PPP2R3B: variants seen among roughly 807,000 people sequenced by gnomAD.
The protein encoded by PPP2R3B is serine/threonine-protein phosphatase 2A regulatory subunit B'' subunit beta.
A neutral mutation model predicts 72.9 loss-of-function variants in PPP2R3B; 68 were observed. The observed-to-expected ratio is 0.93, with a 90% CI of 0.77 to 1.14. The LOEUF is 1.14. Ranked by LOEUF, PPP2R3B falls within the 50% of genes most tolerant of loss-of-function variation. PPP2R3B has a pLI of 0.00. For missense variants in PPP2R3B, 1,018 were observed against 842.0 expected, an observed-to-expected ratio of 1.21 and a Z score of -2.59; for synonymous variants, 466 against 375.8, an observed-to-expected ratio of 1.24 and a Z score of -2.78.
At chrX:368,330 C>G (rs1236657883) in intron 1 of PPP2R3B, among the ~76,000 whole-genome samples, 4 of 115,406 alleles carry the variant, frequency 3.5e-5, no homozygotes, top group African/African-American at 1.4e-4. Flanking sequence ...CCACCTTGGG[C>G]ACCGACACGG....
intron 12 of PPP2R3B, chrX:335,819 CCAA>C (rs2070874411): frequency 6.6e-6 from 1 of 152,172 alleles, no homozygotes; most frequent in Non-Finnish European, 1.5e-5. Context: ...GCAGGAAATA[CCAA>C]CAATAACCCA....
chrX:345,143 GC>G (rs2071169950), intron 7 of PPP2R3B: 1 of 512,028 alleles, frequency 2.0e-6, no homozygotes, highest in Admixed American at 2.3e-5. Context: ...ACTGCTCCAG[GC>G]CTTGGGGGCT....
At chrX:356,829 CCCACG>C (rs2071444456) in intron 2 of PPP2R3B, among the ~76,000 whole-genome samples, 1 of 146,722 alleles carries the variant, frequency 6.8e-6, no homozygotes. Context: ...ACACGGGAGC[CCCACG>C]GTAACCACGC....
At chrX:368,157 G>C (rs757714648) in intron 1 of PPP2R3B, among the ~76,000 whole-genome samples, 72 of 150,436 alleles carry the variant, frequency 4.8e-4, no homozygotes, top group African/African-American at 1.7e-3. Flanking sequence ...CAGACACGGG[G>C]AAGGCCGGGA....
At position 334,116 on chromosome X, in the gene PPP2R3B, G is replaced by A; in HGVS notation, c.*251C>T. The A allele has an allele frequency of 5.2e-6, 2 of 382,516 alleles. No homozygotes were observed. Among genetic ancestry groups the A allele is most frequent in the Non-Finnish European group, 9.2e-6 (2 of 218,214 alleles). 23.7% of individuals were successfully genotyped at this position (382,516 alleles called of 1,614,324 possible). ...CGGAACCCAGGCTGGGTCGGGAACG[G>A]CAAGCGCCAGAGGGTGTCCGTGTGG... On this transcript the variant is annotated 3_prime_UTR_variant, in exon 13 of 13. Coordinates refer to ENST00000390665, the MANE Select transcript of PPP2R3B (RefSeq NM_013239.5).
In PPP2R3B at chrX:338,672, CTCCCAG is replaced by C. The variant is rs1158679705; in HGVS notation, c.1503_1508del (p.Asp501_Trp502del). The C allele has an allele frequency of 2.5e-6, 4 of 1,611,540 alleles. No individual in the cohort carries two copies. Among genetic ancestry groups the C allele is most frequent in the Non-Finnish European group, 3.4e-6 (4 of 1,179,674 alleles). On this transcript the variant is annotated inframe_deletion, in exon 12 of 13. Transcript: ENST00000390665. ...TGTCGTACTCCTCGGCCGCGTACTT[CTCCCAG>C]TCCGAGAGCTCGGGGCCGCCGCTGT...
At chrX:386,313 C>G in intron 1 of PPP2R3B, 55 bp downstream of exon 1, 1 of 1,271,988 alleles carries the variant, frequency 7.9e-7, no homozygotes. Flanking sequence ...GCCACACGCC[C>G]ACTATGCGAC....
chrX:385,429 C>T lies in PPP2R3B; in HGVS notation c.324+939G>A, dbSNP rs185748364. ...CAGTGATTCTCCTGCCTCAGCCTCC[C>T]GGGTAGCTGAGATTACAGGTACATT... On this transcript the variant is annotated intron_variant, in intron 1 of 12. Coordinates refer to ENST00000390665, the MANE Select transcript of PPP2R3B (RefSeq NM_013239.5). Among the ~76,000 whole-genome samples, 540 of 148,926 alleles carry T rather than the reference C, an allele frequency of 3.6e-3. 6 individuals carry two copies. The highest frequency in any genetic ancestry group is 0.013 in the African/African-American group (511 of 40,636).
rs777822111 is a variant in PPP2R3B, at chrX:334,322, TGGCACGTGGGGAGCGGCCCCGCGGC to T, written c.*20_*44del. 7.7e-5 allele frequency: 111 copies of T among 1,438,228 alleles called. No homozygotes were observed. The highest frequency in any genetic ancestry group is 3.3e-4 in the Admixed American group (12 of 36,200). 89.1% of individuals were successfully genotyped at this position (1,438,228 alleles called of 1,614,324 possible). ...TACACGAGCCGCGGTGGCCCGGTGG[TGGCACGTGGGGAGCGGCCCCGCGGC>T]GGCGTTCTCGCGGGCGGCGTCACAG... is the stretch of plus-strand genomic sequence containing the variant. On this transcript the variant is annotated 3_prime_UTR_variant, in exon 13 of 13. Transcript: ENST00000390665.
In PPP2R3B at chrX:386,607, G is replaced by T; in HGVS notation, c.85C>A (p.Gln29Lys). ...CGCAGGCAGTCCTGCAGCATCCGCTGCGTGCTGGCCTCGCTGAGCCAGTAC... is the reference window on the plus strand; with the variant it reads ...CGCAGGCAGTCCTGCAGCATCCGCTTCGTGCTGGCCTCGCTGAGCCAGTAC... ...FLYWLSEASTQRMLQDCLRRI... is the reference protein window; with the variant it reads ...FLYWLSEASTKRMLQDCLRRI... The change falls in exon 1 of 13, where the codon CAG (glutamine) becomes AAG (lysine). Residue 29 changes from glutamine to lysine, a missense_variant. Coordinates refer to ENST00000390665, the MANE Select transcript of PPP2R3B (RefSeq NM_013239.5). The T allele has an allele frequency of 6.9e-7, 1 of 1,450,008 alleles. No individual in the cohort carries two copies. The highest frequency in any genetic ancestry group is 9.1e-7 in the Non-Finnish European group (1 of 1,102,212). The allele number at this position is 1,450,008 out of a possible 1,614,324, so 89.8% of individuals were successfully genotyped here. A position where few individuals can be genotyped will look rare whatever the true frequency, so the allele number is the denominator to read the frequency against.
rs1223769972 is a variant in PPP2R3B at position 386,803 on chromosome X, C to A, written c.-112G>T. The A allele has an allele frequency of 3.4e-6, 2 of 594,064 alleles. No homozygotes were observed. The highest frequency in any genetic ancestry group is 7.9e-5 in the South Asian group (1 of 12,690). 36.8% of individuals were successfully genotyped at this position (594,064 alleles called of 1,614,324 possible). A position where few individuals can be genotyped will look rare whatever the true frequency, so the allele number is the denominator to read the frequency against. ...ATGCGAGCACGGCCCGCTGAGGGGGCGCGGCGCAGGGAACAGGGCCCGCGC... is the reference window on the plus strand; with the variant it reads ...ATGCGAGCACGGCCCGCTGAGGGGGAGCGGCGCAGGGAACAGGGCCCGCGC... On this transcript the variant is annotated 5_prime_UTR_variant, in exon 1 of 13. Transcript: ENST00000390665.
At chrX:370,323 G>T (rs762067446) in intron 1 of PPP2R3B, among the ~76,000 whole-genome samples, 1 of 152,188 alleles carries the variant, frequency 6.6e-6, no homozygotes, top group Non-Finnish European at 1.5e-5. Context: ...GACTGCAGCC[G>T]AGCAACCGGG....
chrX:353,635 C>G (rs1428481018), intron 2 of PPP2R3B, among the ~76,000 whole-genome samples: 1 of 152,270 alleles, frequency 6.6e-6, no homozygotes, highest in Non-Finnish European at 1.5e-5. Context: ...AAAAGGAGAC[C>G]GCAGGCCAGT....
intron 1 of PPP2R3B, among the ~76,000 whole-genome samples, chrX:385,321 T>C (rs1291388954): frequency 8.5e-5 from 2 of 23,616 alleles, no homozygotes; most frequent in South Asian, 9.0e-4. Context: ...TTTAGTTTTC[T>C]TTTTTTTTTT....
At chrX:342,354 TG>T (rs2071101433) in intron 7 of PPP2R3B, 1 of 46,560 alleles carries the variant, frequency 2.1e-5, no homozygotes, top group Admixed American at 2.6e-4. Flanking sequence ...GAGGCGGGAG[TG>T]AGACCTCAGC....
At chrX:377,845 C>T (rs1244616016) in intron 1 of PPP2R3B, among the ~76,000 whole-genome samples, 3 of 117,242 alleles carry the variant, frequency 2.6e-5, no homozygotes, top group South Asian at 2.7e-4. Context: ...AGGGACGGGC[C>T]GTCCACACCC....
intron 1 of PPP2R3B, among the ~76,000 whole-genome samples, chrX:386,118 AAT>A (rs1402216061): frequency 6.6e-6 from 1 of 151,792 alleles, no homozygotes; most frequent in Admixed American, 6.6e-5. Flanking sequence ...AATAAAATAA[AAT>A]AGGAAGCCTT....
At chrX:341,043 T>G (rs866209233) in intron 9 of PPP2R3B, 103 bp from the exon 10 acceptor site, 1 of 1,453,168 alleles carries the variant, frequency 6.9e-7, no homozygotes, top group Non-Finnish European at 9.2e-7. Flanking sequence ...GTCCCCGCTG[T>G]GCCTTGCAGC....
At position 334,534 on chromosome X, in the gene PPP2R3B, G is replaced by T. The variant is rs761142021; in HGVS notation, c.1578-17C>A. ...GCCTCGAACCTGCAACGAGGGGATG[G>T]CGAAGACGTGGCCAGCAGCGCGGAG... is the stretch of plus-strand genomic sequence containing the variant. On this transcript the variant is annotated splice_polypyrimidine_tract_variant and intron_variant, in intron 12 of 12. Coordinates refer to ENST00000390665, the MANE Select transcript of PPP2R3B (RefSeq NM_013239.5). The T allele has an allele frequency of 1.6e-5, 25 of 1,524,502 alleles. No homozygotes were observed. The highest frequency in any genetic ancestry group is 2.0e-4 in the Middle Eastern group (1 of 5,078). 94.4% of individuals were successfully genotyped at this position (1,524,502 alleles called of 1,614,324 possible).
Sources: allele counts gnomAD v4.1 joint callset (sites outside exome capture counted in the v4.1 genomes callset), GRCh38; gene constraint gnomAD v4.1.1; transcripts MANE v1.5; gene names NCBI Gene and HGNC (gene_info 2026-07-23, HGNC 2026-07-21).